ROBO1: variants seen among roughly 807,000 people sequenced by gnomAD.
ROBO1 encodes the protein roundabout guidance receptor 1.
A neutral mutation model predicts 195.9 loss-of-function variants in ROBO1; 149 were observed. The observed-to-expected ratio is 0.76, with a 90% CI of 0.67 to 0.87. The LOEUF is 0.87. Among genes scored for constraint, ROBO1 ranks in the 40% least tolerant of loss-of-function variants. The pLI is 0.00. For synonymous variants in ROBO1, 816 were observed against 733.2 expected, an observed-to-expected ratio of 1.11 and a Z score of -1.82; for missense variants, 1,933 against 2,068.3, an observed-to-expected ratio of 0.93 and a Z score of 1.27.
At chr3:79,388,868 T>C (rs1281112883) in intron 2 of ROBO1, among the ~76,000 whole-genome samples, 1 of 152,054 alleles carries the variant, frequency 6.6e-6, no homozygotes, top group Non-Finnish European at 1.5e-5. Context: ...TCATGTATGA[T>C]GGGTATATAT....
At chr3:78,894,722 T>C (rs970727099) in intron 4 of ROBO1, among the ~76,000 whole-genome samples, 3 of 152,220 alleles carry the variant, frequency 2.0e-5, no homozygotes, top group African/African-American at 4.8e-5. Context: ...GAATCCGTGC[T>C]GTTCTGCCCA....
chr3:79,642,062 T>G (rs940515082), intron 1 of ROBO1, among the ~76,000 whole-genome samples: 1 of 152,098 alleles, frequency 6.6e-6, no homozygotes, highest in Non-Finnish European at 1.5e-5. Flanking sequence ...AAAGAAACAT[T>G]TAACAAAGAA....
intron 5 of ROBO1, among the ~76,000 whole-genome samples, chr3:78,722,675 C>T (rs1016232528): frequency 3.3e-5 from 5 of 152,106 alleles, no homozygotes; most frequent in African/African-American, 4.8e-5. Context: ...AAAATATATA[C>T]GAAAATGTGA....
intron 1 of ROBO1, among the ~76,000 whole-genome samples, chr3:79,733,279 A>C (rs183929380): frequency 1.3e-5 from 2 of 152,328 alleles, no homozygotes; most frequent in Admixed American, 6.5e-5. Context: ...TTAACCATAC[A>C]GTTAGAAAAA....
At chr3:79,736,457 T>A (rs1344367695) in intron 1 of ROBO1, among the ~76,000 whole-genome samples, 1 of 152,146 alleles carries the variant, frequency 6.6e-6, no homozygotes, top group South Asian at 2.1e-4. Context: ...ATGAGGAGAA[T>A]TGACTATGGT....
intron 1 of ROBO1, among the ~76,000 whole-genome samples, chr3:79,649,010 T>C (rs752214576): frequency 3.3e-5 from 5 of 152,088 alleles, no homozygotes; most frequent in Non-Finnish European, 7.4e-5. Context: ...TAAGTGTAGC[T>C]TGCTAAAAAG....
chr3:79,487,084 G>C (rs1939198671), intron 2 of ROBO1, among the ~76,000 whole-genome samples: 1 of 129,876 alleles, frequency 7.7e-6, no homozygotes. Context: ...AAAGTGTATT[G>C]TTCTTTGTTG....
In ROBO1 at chr3:78,837,522, A is replaced by C. The variant is rs115573361; in HGVS notation, c.500-90622T>G. ...TAGAATTATTAAATTCTAAGAGAAA[A>C]AATGCTGTCAAAATTATTTTTTGTT... On this transcript the variant is annotated intron_variant, in intron 4 of 30. Transcript: ENST00000464233. 2.8e-3 allele frequency among the ~76,000 whole-genome samples: 427 copies of C among 152,248 alleles called. 5 individuals are homozygous for C. The highest frequency in any genetic ancestry group is 9.4e-3 in the African/African-American group (389 of 41,576).
chr3:78,860,807 G>C (rs1193707319), intron 4 of ROBO1, among the ~76,000 whole-genome samples: 3 of 152,064 alleles, frequency 2.0e-5, no homozygotes, highest in Non-Finnish European at 4.4e-5. Flanking sequence ...CCTTTTCCTA[G>C]AGAGGAAACT....
chr3:79,032,222 A>C (rs1301948850), intron 3 of ROBO1, among the ~76,000 whole-genome samples: 1 of 152,050 alleles, frequency 6.6e-6, no homozygotes, highest in Non-Finnish European at 1.5e-5. Context: ...ATTATTTTTT[A>C]ATACACAATA....
chr3:79,427,065 G>A (rs182842953), intron 2 of ROBO1, among the ~76,000 whole-genome samples: 116 of 152,218 alleles, frequency 7.6e-4, no homozygotes, highest in Non-Finnish European at 1.4e-3. Context: ...GTGTATTGGA[G>A]ACTGACTCTT....
chr3:79,591,497 A>G (rs183393437), intron 1 of ROBO1, among the ~76,000 whole-genome samples: 124 of 151,988 alleles, frequency 8.2e-4, no homozygotes, highest in African/African-American at 2.9e-3. Flanking sequence ...CTTGCCTCAA[A>G]GAATATACTT....
chr3:79,346,021 T>C (rs1362825122), intron 2 of ROBO1, among the ~76,000 whole-genome samples: 1 of 152,154 alleles, frequency 6.6e-6, no homozygotes, highest in East Asian at 1.9e-4. Context: ...TGGAGGATAA[T>C]TCGTAGGTCA....
intron 3 of ROBO1, chr3:79,019,039 C>G (rs2078034888): frequency 1.0e-6 from 1 of 988,846 alleles, no homozygotes; most frequent in African/African-American, 1.7e-5. Context: ...ACTCCGCGCG[C>G]AGAGAGCGAG....
chr3:79,128,277 A>T (rs969296724), intron 2 of ROBO1, among the ~76,000 whole-genome samples: 2 of 152,158 alleles, frequency 1.3e-5, no homozygotes, highest in Non-Finnish European at 1.5e-5. Flanking sequence ...GAAAGCTGTC[A>T]TCCCATCTAG....
rs1358072685 is a variant in ROBO1 at position 78,717,880 on chromosome 3, G to A, written c.661C>T (p.Arg221Ter). The change falls in exon 6 of 31, where the codon CGA becomes TGA. Residue 221 changes from arginine to a stop codon, truncating the protein, a stop_gained. Coordinates refer to ENST00000464233, the MANE Select transcript of ROBO1 (RefSeq NM_002941.4). LOFTEE classifies it high-confidence loss of function. ...LDDKDERITI[R>*]GGKLMITYTR... ...TAAGTGATCATGAGCTTTCCTCCTC[G>A]TATCTTAAAAAAAAAGTTTCACAGG... The A allele has an allele frequency of 6.8e-6, 11 of 1,611,370 alleles. No homozygotes were observed. The highest frequency in any genetic ancestry group is 1.7e-5 in the Admixed American group (1 of 59,556).
In ROBO1 at chr3:79,017,450, AGTGTGT is replaced by A. The variant is rs60522056; in HGVS notation, c.173-78529_173-78524del. ...TGTGACTATAAAAATTCCGAGGTGCAGTGTGTGTGTGTGTGTGTGTGTGTGTGTGTG... is the reference window on the plus strand; with the variant it reads ...TGTGACTATAAAAATTCCGAGGTGCAGTGTGTGTGTGTGTGTGTGTGTGTG... On this transcript the variant is annotated intron_variant, in intron 3 of 30. Transcript: ENST00000464233. Among the ~76,000 whole-genome samples, 377 of 133,502 alleles carry A rather than the reference AGTGTGT, an allele frequency of 2.8e-3. 1 individual carries two copies. The highest frequency in any genetic ancestry group is 7.8e-3 in the East Asian group (35 of 4,470). The allele number at this position is 133,502 out of a possible 152,430, so 87.6% of individuals were successfully genotyped here.
intron 1 of ROBO1, among the ~76,000 whole-genome samples, chr3:79,651,121 T>C (rs920624248): frequency 3.3e-5 from 5 of 152,046 alleles, no homozygotes; most frequent in African/African-American, 1.2e-4. Flanking sequence ...AAACACATTA[T>C]ATATGTTTAT....
At chr3:78,756,266 C>G (rs1453192866) in intron 4 of ROBO1, among the ~76,000 whole-genome samples, 1 of 151,952 alleles carries the variant, frequency 6.6e-6, no homozygotes, top group Admixed American at 6.6e-5. Flanking sequence ...TAACTCAAAA[C>G]GTGGGTCATT....
Sources: gnomAD v4.1 joint callset for allele counts (sites outside exome capture counted in the v4.1 genomes callset) on GRCh38, gnomAD v4.1.1 for gene constraint, MANE v1.5 for transcripts, NCBI Gene and HGNC (gene_info 2026-07-23, HGNC 2026-07-21) for gene names.